Variants in PRKCH observed in about 807,000 individuals in gnomAD.
PRKCH encodes the protein protein kinase C eta.
A neutral mutation model predicts 82.5 loss-of-function variants in PRKCH; 28 were observed. That is an observed-to-expected ratio of 0.34 (90% CI 0.25 to 0.47). The LOEUF (loss-of-function observed/expected upper bound fraction) is 0.47. PRKCH is among the 20% of genes least tolerant of loss of function. The pLI, the probability that PRKCH is intolerant of heterozygous loss-of-function variation, is 1.00. For missense variants in PRKCH, 705 were observed against 881.8 expected (o/e 0.80, Z 2.54); for synonymous variants, 322 against 327.4 (o/e 0.98, Z 0.18).
At chr14:61,228,678 T>C (rs2044716766) in intron 1 of PRKCH, among the ~76,000 whole-genome samples, 2 of 152,126 alleles carry the variant, frequency 1.3e-5, no homozygotes, top group Admixed American at 1.3e-4. Flanking sequence ...CTTTTCTATA[T>C]GTATTTTGCT....
At chr14:61,406,992 T>C (rs1881986771) in intron 2 of PRKCH, among the ~76,000 whole-genome samples, 1 of 152,000 alleles carries the variant, frequency 6.6e-6, no homozygotes. Flanking sequence ...CACTACAAGA[T>C]CTCACTTTTT....
At chr14:61,386,283 A>G (rs1439596946) in intron 1 of PRKCH, among the ~76,000 whole-genome samples, 1 of 152,234 alleles carries the variant, frequency 6.6e-6, no homozygotes, top group Non-Finnish European at 1.5e-5. Context: ...TTTGGACCTT[A>G]TCATGGACAG....
At chr14:61,436,628 G>A (rs1883691891) in intron 2 of PRKCH, among the ~76,000 whole-genome samples, 1 of 152,168 alleles carries the variant, frequency 6.6e-6, no homozygotes, top group Admixed American at 6.5e-5. Flanking sequence ...TGCCTCCCAG[G>A]TTCAAGCAAT....
chr14:61,493,714 G>T (rs10136863), intron 10 of PRKCH, among the ~76,000 whole-genome samples: 5,764 of 151,892 alleles, frequency 0.038, 347 homozygotes, highest in African/African-American at 0.13. Context: ...TTACTTTTAC[G>T]TGCGGGTGGG....
chr14:61,533,343 T>G (rs1088676), intron 12 of PRKCH, among the ~76,000 whole-genome samples: 112,903 of 146,030 alleles, frequency 0.77, 47,418 homozygotes, highest in Non-Finnish European at 0.94. Flanking sequence ...TTTTTTTTTT[T>G]TGTGCATTTT....
At chr14:61,420,641 C>T (rs1189184744) in intron 2 of PRKCH, among the ~76,000 whole-genome samples, 2 of 152,080 alleles carry the variant, frequency 1.3e-5, no homozygotes, top group Non-Finnish European at 2.9e-5. Flanking sequence ...TCTCTGGGCA[C>T]ATACAGCAGT....
chr14:61,369,723 G>A lies in PRKCH; in HGVS notation c.364-21502G>A, dbSNP rs117341844. Reference sequence around the variant, plus strand: ...CTCTAAAGTATTACATGTTTTGACTGTTTAATGCATTAGTTATGGGAGTAG... The same window carrying A: ...CTCTAAAGTATTACATGTTTTGACTATTTAATGCATTAGTTATGGGAGTAG... On this transcript the variant is annotated intron_variant, in intron 1 of 13. Coordinates refer to ENST00000332981, the MANE Select transcript of PRKCH (RefSeq NM_006255.5). 6.1e-3 allele frequency among the ~76,000 whole-genome samples: 920 copies of A among 152,038 alleles called. 4 individuals carry two copies. Among genetic ancestry groups the A allele is most frequent in the Non-Finnish European group, 9.9e-3 (672 of 68,004 alleles).
chr14:61,512,151 A>T (rs781281453), intron 10 of PRKCH, among the ~76,000 whole-genome samples: 1 of 151,760 alleles, frequency 6.6e-6, no homozygotes. Context: ...CTACGTGAGC[A>T]TAGGCTGTCT....
intron 1 of PRKCH, among the ~76,000 whole-genome samples, chr14:61,223,926 A>G (rs2044674975): frequency 6.6e-6 from 1 of 152,194 alleles, no homozygotes; most frequent in South Asian, 2.1e-4. Flanking sequence ...TATTTTTTAA[A>G]AATTAACATT....
chr14:61,425,206 GA>G (rs1019840352), intron 2 of PRKCH, among the ~76,000 whole-genome samples: 14 of 152,204 alleles, frequency 9.2e-5, no homozygotes, highest in African/African-American at 2.9e-4. Flanking sequence ...TCAGCTGTGA[GA>G]AAAGGGCCAC....
chr14:61,209,859 C>A (rs989244238), intron 1 of PRKCH, among the ~76,000 whole-genome samples: 9 of 151,850 alleles, frequency 5.9e-5, no homozygotes, highest in African/African-American at 1.9e-4. Context: ...ATCTTTATGT[C>A]CATGTGCACC....
rs1445486333 is a variant in PRKCH at position 61,225,039 on chromosome 14, C to G, written c.-19+37371C>G. ...TGCTCTGTCATTTTAATTATGTCTC[C>G]TACCTAAGCCCTCTGTATCAAAAGC... On this transcript the variant is annotated intron_variant, in intron 1 of 3. Coordinates refer to the PRKCH transcript ENST00000555185. 2.0e-5 allele frequency among the ~76,000 whole-genome samples: 3 copies of G among 152,194 alleles called. No individual in the cohort carries two copies. In the East Asian group the frequency reaches 5.8e-4, roughly 29 times the overall value.
intron 10 of PRKCH, among the ~76,000 whole-genome samples, chr14:61,512,972 A>C (rs546255845): frequency 3.3e-5 from 5 of 152,230 alleles, no homozygotes; most frequent in Admixed American, 2.0e-4. Flanking sequence ...ACACACCACC[A>C]CACCCAGCTA....
chr14:61,199,403 G>C (rs1254705340), intron 1 of PRKCH, among the ~76,000 whole-genome samples: 1 of 152,182 alleles, frequency 6.6e-6, no homozygotes, highest in African/African-American at 2.4e-5. Context: ...CCCTGGAGAG[G>C]CTAAAAATTC....
chr14:61,451,508 G>A (rs534058085), intron 6 of PRKCH, among the ~76,000 whole-genome samples: 1 of 152,306 alleles, frequency 6.6e-6, no homozygotes, highest in Admixed American at 6.5e-5. Flanking sequence ...TTGTGAAAGA[G>A]ATTGGAGACA....
chr14:61,398,415 A>G (rs1419818661), intron 2 of PRKCH, among the ~76,000 whole-genome samples: 2 of 152,248 alleles, frequency 1.3e-5, no homozygotes, highest in Non-Finnish European at 2.9e-5. Flanking sequence ...ACATCATCTT[A>G]TGTGAGGACA....
At chr14:61,235,218 T>C (rs2140062002) in intron 1 of PRKCH, among the ~76,000 whole-genome samples, 1 of 152,352 alleles carries the variant, frequency 6.6e-6, no homozygotes, top group East Asian at 1.9e-4. Context: ...CAGGTTTCCA[T>C]TGCCTTTGGT....
intron 12 of PRKCH, chr14:61,545,087 C>G (rs1329470829): frequency 6.9e-6 from 1 of 145,394 alleles, no homozygotes; most frequent in East Asian, 2.0e-4. Context: ...CAGCTCTCAT[C>G]ACTCACCTCG....
chr14:61,287,755 A>C (rs542368645), intron 1 of PRKCH, among the ~76,000 whole-genome samples: 2 of 151,858 alleles, frequency 1.3e-5, no homozygotes, highest in South Asian at 4.2e-4. Context: ...CAGTGTGGCC[A>C]GTGAGAGGGG....
Sources: gnomAD v4.1 joint callset for allele counts (sites outside exome capture counted in the v4.1 genomes callset) on GRCh38, gnomAD v4.1.1 for gene constraint, MANE v1.5 for transcripts, NCBI Gene and HGNC (gene_info 2026-07-23, HGNC 2026-07-21) for gene names.